The following KLF8 variants were observed in gnomAD, a reference collection of about 807,000 sequenced individuals.
KLF8 encodes Krueppel-like factor 8.
A neutral mutation model predicts 18.2 loss-of-function variants in KLF8; 10 were observed. The observed-to-expected ratio is 0.55, with a 90% CI of 0.34 to 0.93. The LOEUF is 0.93. Ranked by LOEUF, KLF8 falls within the 40% of genes least tolerant of loss-of-function variation. The probability of loss-of-function intolerance (pLI) is 0.02; values close to 1 mark genes in which losing one functional copy is unlikely to be tolerated. For missense variants in KLF8, 264 were observed against 277.9 expected (o/e 0.95, Z 0.36); for synonymous variants, 109 against 97.3 (o/e 1.12, Z -0.71).
the KLF8 span, among the ~76,000 whole-genome samples, chrX:56,136,429 G>A: frequency 9.0e-6 from 1 of 110,816 alleles, no homozygotes; most frequent in Non-Finnish European, 1.9e-5. Context: ...GAACAGAACA[G>A]AGCCCTCAGA....
the KLF8 span, among the ~76,000 whole-genome samples, chrX:56,207,539 G>A: frequency 9.0e-6 from 1 of 111,465 alleles, no homozygotes; most frequent in Non-Finnish European, 1.9e-5. Context: ...AGGACAGGGG[G>A]AAAATGCCAC....
the KLF8 span, among the ~76,000 whole-genome samples, chrX:56,180,218 G>A: frequency 1.9e-4 from 21 of 111,760 alleles, no homozygotes; most frequent in East Asian, 5.6e-3. Flanking sequence ...AGGTGTATAT[G>A]TCCAGGAATT....
At chrX:56,181,794 C>T in the KLF8 span, among the ~76,000 whole-genome samples, 1 of 104,824 alleles carries the variant, frequency 9.5e-6, no homozygotes, top group Non-Finnish European at 2.0e-5. Flanking sequence ...ATTGCTCCCC[C>T]CCCTTCTGGC....
chrX:56,274,606 A>T (rs2067098271), intron 5 of KLF8, among the ~76,000 whole-genome samples: 1 of 111,602 alleles, frequency 9.0e-6, no homozygotes, highest in African/African-American at 3.3e-5. Context: ...TGTCCTGGAG[A>T]CTTTCCCCAA....
chrX:55,930,514 G>A, the KLF8 span, among the ~76,000 whole-genome samples: 1 of 112,265 alleles, frequency 8.9e-6, no homozygotes, highest in African/African-American at 3.2e-5. Context: ...GATATTGGCT[G>A]TGGGTTTGTC....
chrX:55,938,613 C>T, the KLF8 span, among the ~76,000 whole-genome samples: 3 of 111,022 alleles, frequency 2.7e-5, no homozygotes, highest in East Asian at 2.8e-4. Flanking sequence ...CATCAGTGTG[C>T]TGTATTCAGG....
the KLF8 span, among the ~76,000 whole-genome samples, chrX:56,126,124 A>T: frequency 2.4e-4 from 27 of 111,810 alleles, no homozygotes; most frequent in African/African-American, 8.8e-4. Flanking sequence ...GTCTTAACCT[A>T]GCCAAAGCAT....
chrX:56,200,079 T>A, the KLF8 span, among the ~76,000 whole-genome samples: 14 of 110,930 alleles, frequency 1.3e-4, no homozygotes, highest in East Asian at 4.0e-3. Context: ...CCAGGGCCTT[T>A]TGGGAGGTCT....
the KLF8 span, among the ~76,000 whole-genome samples, chrX:55,952,400 T>C: frequency 1.8e-5 from 2 of 112,455 alleles, no homozygotes; most frequent in Non-Finnish European, 3.8e-5. Context: ...GTTCTGAAGG[T>C]CAGAACGCCT....
chrX:56,086,616 C>G, the KLF8 span, among the ~76,000 whole-genome samples: 5 of 110,377 alleles, frequency 4.5e-5, no homozygotes, highest in African/African-American at 6.6e-5. Flanking sequence ...CTAAATGTAG[C>G]TTTATTCATA....
the KLF8 span, among the ~76,000 whole-genome samples, chrX:55,932,495 A>C: frequency 8.9e-6 from 1 of 111,763 alleles, no homozygotes; most frequent in East Asian, 2.8e-4. Flanking sequence ...ATGTTTTTGC[A>C]GTGGCTGGTA....
the KLF8 span, among the ~76,000 whole-genome samples, chrX:56,076,540 T>C: frequency 3.6e-5 from 4 of 111,295 alleles, no homozygotes; most frequent in African/African-American, 1.3e-4. Context: ...CAGTCTATCA[T>C]TGTTGGACAT....
chrX:55,983,649 AATGG>A, the KLF8 span, among the ~76,000 whole-genome samples: 1 of 112,033 alleles, frequency 8.9e-6, no homozygotes, highest in African/African-American at 3.2e-5. Flanking sequence ...AAATAGCTTT[AATGG>A]TACAAGTGGG....
At chrX:56,064,967 C>T in the KLF8 span, among the ~76,000 whole-genome samples, 2 of 111,558 alleles carry the variant, frequency 1.8e-5, no homozygotes, top group Admixed American at 9.5e-5. Context: ...TGCTGTTAGT[C>T]TCATGAAAGT....
intron 4 of KLF8, 105 bp from the exon 5 acceptor site, chrX:56,270,077 C>A: frequency 1.2e-6 from 1 of 803,705 alleles, no homozygotes; most frequent in Non-Finnish European, 1.8e-6. Flanking sequence ...ATTAAATTCA[C>A]GTAAATTAAA....
chrX:56,183,701 C>T, the KLF8 span, among the ~76,000 whole-genome samples: 2 of 111,382 alleles, frequency 1.8e-5, no homozygotes, highest in Non-Finnish European at 3.8e-5. Context: ...GAGAAAACTA[C>T]CTTCACTATA....
At chrX:56,186,244 G>C in the KLF8 span, among the ~76,000 whole-genome samples, 18 of 111,247 alleles carry the variant, frequency 1.6e-4, no homozygotes, top group South Asian at 1.9e-3. Context: ...TGATAAAACA[G>C]ACTTTAAACC....
chrX:55,955,984 A>C, the KLF8 span, among the ~76,000 whole-genome samples: 14 of 111,301 alleles, frequency 1.3e-4, no homozygotes, highest in Non-Finnish European at 2.6e-4. Context: ...ATCCATTTAG[A>C]GGAGATATGC....
upstream of KLF8, among the ~76,000 whole-genome samples, chrX:56,228,319 T>C (rs1466508963): frequency 9.0e-6 from 1 of 111,668 alleles, no homozygotes; most frequent in Non-Finnish European, 1.9e-5. Flanking sequence ...TATAATCTCA[T>C]TGGCGGCCAA....
Sources: gnomAD v4.1 joint callset for allele counts (sites outside exome capture counted in the v4.1 genomes callset) on GRCh38, gnomAD v4.1.1 for gene constraint, MANE v1.5 for transcripts, NCBI Gene and HGNC (gene_info 2026-07-23, HGNC 2026-07-21) for gene names.